Variants in PDE4D observed in about 807,000 individuals in gnomAD.
The protein encoded by PDE4D is 3',5'-cyclic-AMP phosphodiesterase 4D.
Under a neutral mutation model 87.4 loss-of-function variants are expected in PDE4D, and 24 were observed. That is an observed-to-expected ratio of 0.27 (90% confidence interval 0.20 to 0.39). The LOEUF (loss-of-function observed/expected upper bound fraction) is 0.39. PDE4D is among the 10% of genes least tolerant of loss of function. The pLI is 1.00. For missense variants in PDE4D, 714 were observed against 1,041.0 expected, an observed-to-expected ratio of 0.69 and a Z score of 4.32; for synonymous variants, 384 against 383.2, an observed-to-expected ratio of 1.00 and a Z score of -0.02.
intron 1 of PDE4D, among the ~76,000 whole-genome samples, chr5:59,447,058 G>A (rs1190068271): frequency 6.6e-6 from 1 of 152,210 alleles, no homozygotes; most frequent in Non-Finnish European, 1.5e-5. Context: ...TGGTCAGCCT[G>A]TGGGTGCTAC....
chr5:59,075,638 T>C (rs1471442880), intron 5 of PDE4D, among the ~76,000 whole-genome samples: 1 of 152,246 alleles, frequency 6.6e-6, no homozygotes, highest in Admixed American at 6.5e-5. Context: ...ATTGGGTACA[T>C]ATGAAGAAAA....
intron 2 of PDE4D, among the ~76,000 whole-genome samples, chr5:60,172,365 C>A (rs1783542043): frequency 2.0e-5 from 3 of 151,428 alleles, no homozygotes; most frequent in Non-Finnish European, 4.4e-5. Context: ...AACCATCTCC[C>A]CACATAACAA....
intron 2 of PDE4D, among the ~76,000 whole-genome samples, chr5:60,151,161 G>A (rs1191908299): frequency 6.6e-6 from 1 of 152,126 alleles, no homozygotes; most frequent in Admixed American, 6.5e-5. Context: ...AATGTGATAA[G>A]TGTACTCAGC....
At chr5:59,675,482 T>C (rs1304802044) in intron 1 of PDE4D, among the ~76,000 whole-genome samples, 1 of 152,122 alleles carries the variant, frequency 6.6e-6, no homozygotes, top group African/African-American at 2.4e-5. Flanking sequence ...ATATCAAATG[T>C]TTTTGATGGA....
intron 1 of PDE4D, chr5:59,275,831 C>G: frequency 1.0e-6 from 1 of 986,170 alleles, no homozygotes. Flanking sequence ...AAGAAAATGA[C>G]CGGGAGGTAC....
chr5:59,584,296 GA>G (rs1824731193), intron 1 of PDE4D, among the ~76,000 whole-genome samples: 1 of 152,116 alleles, frequency 6.6e-6, no homozygotes, highest in Admixed American at 6.5e-5. Flanking sequence ...AGGTCACCTG[GA>G]AAAAAACCAC....
At chr5:59,685,231 T>G (rs1749653854) in intron 1 of PDE4D, among the ~76,000 whole-genome samples, 1 of 152,178 alleles carries the variant, frequency 6.6e-6, no homozygotes, top group Non-Finnish European at 1.5e-5. Flanking sequence ...GCAAGGAATT[T>G]ATAACTTCCT....
rs1456219064 is a variant in PDE4D, at chr5:59,727,965, CTTCT to C, written c.455+165199_455+165202del. The stretch of plus-strand genomic sequence containing the variant: ...TTGAAATAGGATCTTTGCATTTTGC[CTTCT>C]TTATCTTTGCATCTTGTCTTCTTTT... On this transcript the variant is annotated intron_variant, in intron 1 of 14. Transcript: ENST00000340635. 8.5e-5 allele frequency among the ~76,000 whole-genome samples: 13 copies of C among 152,158 alleles called. No individual in the cohort carries two copies. In the East Asian group the frequency reaches 2.3e-3, roughly 27 times the overall value.
chr5:59,271,484 T>C lies in PDE4D; in HGVS notation c.456-55516A>G, dbSNP rs533848290. On this transcript the variant is annotated intron_variant, in intron 1 of 14. Coordinates refer to ENST00000340635, the MANE Select transcript of PDE4D (RefSeq NM_001104631.2). ...TTAATGGGTTATTTTCCTTCCAACA[T>C]ATTAATGTTATTCCATCTTTTTGAT... 5.3e-5 allele frequency among the ~76,000 whole-genome samples: 8 copies of C among 152,288 alleles called. No individual in the cohort carries two copies. The South Asian group carries it at 1.7e-3, about 32-fold the overall frequency.
At chr5:59,285,424 C>G (rs1292900361) in intron 1 of PDE4D, among the ~76,000 whole-genome samples, 1 of 151,940 alleles carries the variant, frequency 6.6e-6, no homozygotes, top group Non-Finnish European at 1.5e-5. Context: ...TGAGTCTTGC[C>G]TCTTTCTTGT....
chr5:60,228,004 C>T (rs1745330707), intron 1 of PDE4D, among the ~76,000 whole-genome samples: 1 of 152,004 alleles, frequency 6.6e-6, no homozygotes, highest in South Asian at 2.1e-4. Context: ...TGCTCTCTCG[C>T]ACCTCAAGGT....
intron 1 of PDE4D, chr5:60,188,341 G>T (rs1043738914): frequency 1.3e-5 from 2 of 152,204 alleles, no homozygotes; most frequent in African/African-American, 4.8e-5. Flanking sequence ...GGGATGGGTT[G>T]CCCATACCTA....
At position 60,445,847 on chromosome 5, in the gene PDE4D, C is replaced by T. The variant is rs577390590; in HGVS notation, c.-90+42095G>A. ...CTCAATCACATGCACAAAAACTTCT[C>T]ATGTAAAAATATACCCAAGGGAAAA... On this transcript the variant is annotated intron_variant, in intron 1 of 16. Transcript: ENST00000502484. Among the ~76,000 whole-genome samples the T allele has an allele frequency of 5.3e-5, 8 of 152,104 alleles. No individual in the cohort carries two copies. The East Asian group carries it at 1.5e-3, about 29-fold the overall frequency.
chr5:59,649,498 T>C (rs1743016015), intron 1 of PDE4D, among the ~76,000 whole-genome samples: 1 of 151,810 alleles, frequency 6.6e-6, no homozygotes, highest in South Asian at 2.1e-4. Flanking sequence ...GGAATTGAAA[T>C]GAGTAATGGG....
At chr5:59,632,723 T>C (rs376420199) in intron 1 of PDE4D, among the ~76,000 whole-genome samples, 1 of 151,946 alleles carries the variant, frequency 6.6e-6, no homozygotes, top group African/African-American at 2.4e-5. Flanking sequence ...AAAAACTCCA[T>C]CTAAAGGTCA....
chr5:59,957,026 C>G (rs1758906607), intron 3 of PDE4D, among the ~76,000 whole-genome samples: 1 of 152,148 alleles, frequency 6.6e-6, no homozygotes, highest in African/African-American at 2.4e-5. Flanking sequence ...CTGGCACTGA[C>G]TTATGGAATT....
chr5:59,085,466 T>C (rs1767499318), intron 5 of PDE4D, among the ~76,000 whole-genome samples: 1 of 152,218 alleles, frequency 6.6e-6, no homozygotes, highest in African/African-American at 2.4e-5. Flanking sequence ...AGATATGCTA[T>C]AGCCACTCAA....
At chr5:59,120,099 C>A (rs1030814888) in intron 5 of PDE4D, among the ~76,000 whole-genome samples, 1 of 152,148 alleles carries the variant, frequency 6.6e-6, no homozygotes, top group Admixed American at 6.5e-5. Context: ...TCCCGAAGCA[C>A]CAGGATTACA....
chr5:60,503,524 C>T (rs990452899), intron 1 of PDE4D, among the ~76,000 whole-genome samples: 1 of 152,084 alleles, frequency 6.6e-6, no homozygotes, highest in Non-Finnish European at 1.5e-5. Context: ...TTTACTCCTC[C>T]CTTTATCCCT....
Sources: allele counts gnomAD v4.1 joint callset (sites outside exome capture counted in the v4.1 genomes callset), GRCh38; gene constraint gnomAD v4.1.1; transcripts MANE v1.5; gene names NCBI Gene and HGNC (gene_info 2026-07-23, HGNC 2026-07-21).